The following ACOT7 variants were observed in gnomAD, a reference collection of about 807,000 sequenced individuals.
ACOT7 encodes the protein acyl-CoA thioesterase 7.
ACOT7 carries 12 observed loss-of-function variants against 40.2 expected under a neutral mutation model. That is an observed-to-expected ratio of 0.30 (90% CI 0.19 to 0.48). ACOT7 has a LOEUF of 0.48. Among genes scored for constraint, ACOT7 ranks in the 20% least tolerant of loss-of-function variants. The probability of loss-of-function intolerance (pLI) is 0.99; values close to 1 mark genes in which losing one functional copy is unlikely to be tolerated. For missense variants in ACOT7, 395 were observed against 530.8 expected (o/e 0.74, Z 2.51); for synonymous variants, 228 against 219.5 (o/e 1.04, Z -0.34).
At chr1:6,360,565 C>A (rs755145011) in intron 1 of ACOT7, 2 of 1,614,176 alleles carry the variant, frequency 1.2e-6, no homozygotes, top group Non-Finnish European at 1.7e-6. Context: ...CAGCTCCCAA[C>A]TCACTGTTTG....
intron 3 of ACOT7, among the ~76,000 whole-genome samples, chr1:6,336,333 C>CAAAAAAAAAAAAAAAAAAAAAAAAAAAA (rs3029068): frequency 1.9e-5 from 1 of 52,762 alleles, no homozygotes. Context: ...GACTCGGTCT[C>CAAAAAAAAAAAAAAAAAAAAAAAAAAAA]AAAAAAAAAA....
Position 6,379,518 on chromosome 1 carries a change from T to C in ACOT7, c.143+13739A>G, listed in dbSNP as rs139080439. 2.8e-3 allele frequency among the ~76,000 whole-genome samples: 425 copies of C among 151,830 alleles called. 2 individuals carry two copies. Among genetic ancestry groups the C allele is most frequent in the African/African-American group, 9.8e-3 (408 of 41,536 alleles). ...CGTCACCCAGGCCCCAGTGCAGTGCTGTGGTCTCTAACTCACTTCACTGCA... is the reference window on the plus strand; with the variant it reads ...CGTCACCCAGGCCCCAGTGCAGTGCCGTGGTCTCTAACTCACTTCACTGCA... On this transcript the variant is annotated intron_variant, in intron 1 of 8. Transcript: ENST00000361521.
At chr1:6,351,350 A>T (rs1304311696) in intron 1 of ACOT7, among the ~76,000 whole-genome samples, 1 of 152,264 alleles carries the variant, frequency 6.6e-6, no homozygotes. Flanking sequence ...TCCCCAGAGC[A>T]CACAAGAAAC....
intron 4 of ACOT7, among the ~76,000 whole-genome samples, chr1:6,331,352 G>C (rs1279264682): frequency 2.0e-5 from 3 of 152,240 alleles, no homozygotes; most frequent in Non-Finnish European, 4.4e-5. Context: ...CCGGTAAGCA[G>C]GCCGTGCGAA....
At chr1:6,281,077 C>T (rs750024314) in intron 8 of ACOT7, 25 bp downstream of exon 8, 83 of 1,606,664 alleles carry the variant, frequency 5.2e-5, no homozygotes, top group East Asian at 4.5e-4. Flanking sequence ...AGGGAGGGGC[C>T]GCCGTTCCAA....
At position 6,282,117 on chromosome 1, in the gene ACOT7, A is replaced by G. The variant is rs1264050985; in HGVS notation, c.830-831T>C. 6.6e-6 allele frequency among the ~76,000 whole-genome samples: 1 copy of G among 151,986 alleles called. No individual in the cohort carries two copies. Among genetic ancestry groups the G allele is most frequent in the Non-Finnish European group, 1.5e-5 (1 of 67,980 alleles). Reference sequence around the variant, plus strand: ...CGCCCCACGCTCCCCAGGGCACGACAGTCCATCCTGGCAGAAGCTTCCTGA... The same window carrying G: ...CGCCCCACGCTCCCCAGGGCACGACGGTCCATCCTGGCAGAAGCTTCCTGA... On this transcript the variant is annotated intron_variant, in intron 7 of 8. Transcript: ENST00000361521. This position sits in a 1 kb window ranked among gnomAD's most constrained non-coding sequence, Gnocchi z 4.5.
chr1:6,393,444 G>A lies in ACOT7; in HGVS notation c.-45C>T. 9.1e-7 allele frequency: 1 copy of A among 1,096,326 alleles called. No homozygotes were observed. The highest frequency in any genetic ancestry group is 1.1e-6 in the Non-Finnish European group (1 of 924,208). 67.9% of individuals were successfully genotyped at this position (1,096,326 alleles called of 1,614,324 possible). On this transcript the variant is annotated 5_prime_UTR_variant, in exon 1 of 9. Coordinates refer to ENST00000361521, the MANE Select transcript of ACOT7 (RefSeq NM_007274.4). The stretch of plus-strand genomic sequence containing the variant: ...GGAGCGATGGGGCTGGTGAGGCGGG[G>A]CCTGCGCGCCGGGGGCAATCGAACG...
At chr1:6,266,786 C>T (rs1212458391) in intron 8 of ACOT7, among the ~76,000 whole-genome samples, 1 of 152,278 alleles carries the variant, frequency 6.6e-6, no homozygotes. Flanking sequence ...AGCCTGGCTT[C>T]CTGCCTACCT....
intron 8 of ACOT7, among the ~76,000 whole-genome samples, chr1:6,276,252 C>T (rs763275719): frequency 6.6e-6 from 1 of 152,182 alleles, no homozygotes; most frequent in South Asian, 2.1e-4. Context: ...AGCAGACACA[C>T]GGCTCTGACC....
Position 6,333,465 on chromosome 1 carries a change from A to G in ACOT7, c.510+12T>C. Reference sequence around the variant, plus strand: ...ATCTGCCCCCAAGAGAGAAGTAGAAAGGGCACCTTACCACAACAGGAGGCA... The same window carrying G: ...ATCTGCCCCCAAGAGAGAAGTAGAAGGGGCACCTTACCACAACAGGAGGCA... On this transcript the variant is annotated intron_variant, in intron 4 of 8. Coordinates refer to ENST00000361521, the MANE Select transcript of ACOT7 (RefSeq NM_007274.4). 1 of 1,614,072 alleles carries G rather than the reference A, an allele frequency of 6.2e-7. No individual in the cohort carries two copies. Among genetic ancestry groups the G allele is most frequent in the East Asian group, 2.2e-5 (1 of 44,884 alleles).
At chr1:6,276,908 T>C (rs1302654854) in intron 8 of ACOT7, among the ~76,000 whole-genome samples, 2 of 152,046 alleles carry the variant, frequency 1.3e-5, no homozygotes, top group African/African-American at 4.8e-5. Flanking sequence ...TGGGCTGCCA[T>C]TCCCTCCATT....
At position 6,306,449 on chromosome 1, in the gene ACOT7, A is replaced by C; in HGVS notation, c.713-11469T>G. On this transcript the variant is annotated intron_variant, in intron 6 of 8. Coordinates refer to ENST00000361521, the MANE Select transcript of ACOT7 (RefSeq NM_007274.4). This position sits in a 1 kb window ranked among gnomAD's most constrained non-coding sequence, Gnocchi z 4.3. ...ATATGAACCCCACGCCCAGGCTTTC[A>C]GGGTTGACACCATCTCGGGGTTCAA... 3 of 985,292 alleles carry C rather than the reference A, an allele frequency of 3.0e-6. No individual in the cohort carries two copies. Among genetic ancestry groups the C allele is most frequent in the Non-Finnish European group, 3.6e-6 (3 of 829,888 alleles). The allele number at this position is 985,292 out of a possible 1,614,324, so 61.0% of individuals were successfully genotyped here. A position where few individuals can be genotyped will look rare whatever the true frequency, so the allele number is the denominator to read the frequency against.
At position 6,282,825 on chromosome 1, in the gene ACOT7, G is replaced by T; in HGVS notation, c.830-1539C>A. 1 of 1,301,838 alleles carries T rather than the reference G, an allele frequency of 7.7e-7. No homozygotes were observed. The highest frequency in any genetic ancestry group is 1.0e-6 in the Non-Finnish European group (1 of 986,788). 80.6% of individuals were successfully genotyped at this position (1,301,838 alleles called of 1,614,324 possible). On this transcript the variant is annotated intron_variant, in intron 7 of 8. Transcript: ENST00000361521. This position sits in a 1 kb window ranked among gnomAD's most constrained non-coding sequence, Gnocchi z 4.5. ...TAAGGTACAGAGTCCCATGCAAAGCGCCCGCAGTCACAAGACGCACCCCGG... is the reference window on the plus strand; with the variant it reads ...TAAGGTACAGAGTCCCATGCAAAGCTCCCGCAGTCACAAGACGCACCCCGG...
chr1:6,367,294 C>T (rs1026354946), intron 1 of ACOT7, among the ~76,000 whole-genome samples: 18 of 151,954 alleles, frequency 1.2e-4, no homozygotes, highest in African/African-American at 3.9e-4. Flanking sequence ...GTTATGGGAT[C>T]TTTGGGGTAT....
At position 6,296,638 on chromosome 1, in the gene ACOT7, T is replaced by C. The variant is rs533999384; in HGVS notation, c.713-1658A>G. Among the ~76,000 whole-genome samples, 50 of 152,312 alleles carry C rather than the reference T, an allele frequency of 3.3e-4. No individual in the cohort carries two copies. The South Asian group carries it at 0.01, about 31-fold the overall frequency. ...CGGGGTTTCACTATGTTGTCCAGAC[T>C]GGTCTTGAACTCCTGACCTCATGAT... is the stretch of plus-strand genomic sequence containing the variant. On this transcript the variant is annotated intron_variant, in intron 6 of 8. Transcript: ENST00000361521.
At chr1:6,387,820 A>G (rs773087265) in intron 1 of ACOT7, among the ~76,000 whole-genome samples, 1 of 152,194 alleles carries the variant, frequency 6.6e-6, no homozygotes, top group Non-Finnish European at 1.5e-5. Flanking sequence ...CAAAGACTGC[A>G]TCTTCACCCA....
rs996518217 is a variant in ACOT7, at chr1:6,281,013, CA to C, written c.1014+88del. On this transcript the variant is annotated intron_variant, in intron 8 of 8. Coordinates refer to ENST00000361521, the MANE Select transcript of ACOT7 (RefSeq NM_007274.4). Reference sequence around the variant, plus strand: ...CCCTACTGACAGGACAGGACTCATGCAGGCACAGATTCCCCCTGGAGGCCCA... The same window carrying C: ...CCCTACTGACAGGACAGGACTCATGCGGCACAGATTCCCCCTGGAGGCCCA... 3.3e-5 allele frequency: 49 copies of C among 1,502,672 alleles called. 2 individuals are homozygous for C. Among genetic ancestry groups the C allele is most frequent in the Middle Eastern group, 2.3e-4 (1 of 4,428 alleles). 93.1% of individuals were successfully genotyped at this position (1,502,672 alleles called of 1,614,324 possible). A position where few individuals can be genotyped will look rare whatever the true frequency, so the allele number is the denominator to read the frequency against.
At chr1:6,298,587 C>T (rs1169161156) in intron 6 of ACOT7, among the ~76,000 whole-genome samples, 2 of 152,200 alleles carry the variant, frequency 1.3e-5, no homozygotes, top group Non-Finnish European at 2.9e-5. Flanking sequence ...CGGATTTTCT[C>T]CCCCAGGCAA....
rs764714151 is a variant in ACOT7, at chr1:6,393,381, T to G, written c.19A>C (p.Ile7Leu). MARPGL[I>L]HSAPGLPDTC... is the part of the protein sequence containing the mutation. ...TCTGGCAGGCCCGGCGCGGAATGAA[T>G]GAGCCCGGGCCGCGCCATAAAGGGG... The change falls in exon 1 of 9, where the codon ATT becomes CTT. Residue 7 changes from isoleucine (I) to leucine (L), a missense_variant. Ile to Leu is a conservative substitution (Grantham distance 5, BLOSUM62 2). This residue lies in a region of ACOT7 where 86 missense variants were observed against 60.5 expected (regional missense o/e 1.42). Transcript: ENST00000361521. The G allele has an allele frequency of 8.1e-7, 1 of 1,231,564 alleles. No individual in the cohort carries two copies. The highest frequency in any genetic ancestry group is 1.0e-6 in the Non-Finnish European group (1 of 984,748). The allele number at this position is 1,231,564 out of a possible 1,614,324, so 76.3% of individuals were successfully genotyped here. A position where few individuals can be genotyped will look rare whatever the true frequency, so the allele number is the denominator to read the frequency against.
Sources: gnomAD v4.1 joint callset for allele counts (sites outside exome capture counted in the v4.1 genomes callset) on GRCh38, gnomAD v4.1.1 for gene constraint, gnomAD v4.1.1 regional missense constraint, Gnocchi (gnomAD v3.1) non-coding constraint, MANE v1.5 for transcripts, NCBI Gene and HGNC (gene_info 2026-07-23, HGNC 2026-07-21) for gene names.